The following RBFOX1 variants were observed in gnomAD, a reference collection of about 807,000 sequenced individuals.
RBFOX1 encodes RNA binding protein fox-1 homolog 1.
In RBFOX1, 8 loss-of-function variants were observed where a neutral mutation model predicts 57.7. The ratio of observed to expected loss-of-function variants is 0.14; its 90% CI spans 0.08 to 0.25. The LOEUF is 0.25. Ranked by LOEUF, RBFOX1 falls within the 10% of genes least tolerant of loss-of-function variation. RBFOX1 has a pLI of 1.00. For missense variants in RBFOX1, 611 were observed against 548.5 expected, an observed-to-expected ratio of 1.11 and a Z score of -1.14; for synonymous variants, 326 against 222.4, an observed-to-expected ratio of 1.47 and a Z score of -4.15.
At chr16:7,503,660 G>A (rs1463235963) in intron 4 of RBFOX1, among the ~76,000 whole-genome samples, 7 of 152,212 alleles carry the variant, frequency 4.6e-5, no homozygotes, top group African/African-American at 1.7e-4. Context: ...GATGGATTAT[G>A]AAAGTCTGTT....
chr16:6,210,760 T>A (rs891828945), intron 1 of RBFOX1, among the ~76,000 whole-genome samples: 18 of 151,784 alleles, frequency 1.2e-4, no homozygotes, highest in African/African-American at 3.9e-4. Flanking sequence ...AAGAAAAAAA[T>A]TAAAAAAGGA....
chr16:6,757,148 A>T (rs1442049127), intron 3 of RBFOX1, among the ~76,000 whole-genome samples: 5 of 152,188 alleles, frequency 3.3e-5, no homozygotes, highest in Admixed American at 2.0e-4. Context: ...ATAAAAAATA[A>T]ATGCTAGCAA....
At chr16:7,172,281 C>T (rs1281482868) in intron 4 of RBFOX1, among the ~76,000 whole-genome samples, 2 of 152,100 alleles carry the variant, frequency 1.3e-5, no homozygotes, top group African/African-American at 4.8e-5. Context: ...ATCAAAAAAA[C>T]CACTTCTTTC....
chr16:5,357,727 G>C (rs553551476), intron 1 of RBFOX1, among the ~76,000 whole-genome samples: 1 of 152,308 alleles, frequency 6.6e-6, no homozygotes, highest in African/African-American at 2.4e-5. Flanking sequence ...AATCCGTCAG[G>C]AGAGGACACA....
chr16:6,744,144 G>C (rs1385382100), intron 3 of RBFOX1, among the ~76,000 whole-genome samples: 1 of 152,038 alleles, frequency 6.6e-6, no homozygotes, highest in Admixed American at 6.6e-5. Flanking sequence ...GATAAAGAAG[G>C]TAATTTCACA....
chr16:5,568,154 A>G lies in RBFOX1; in HGVS notation c.259-30748A>G, dbSNP rs188654701. 5.9e-5 allele frequency among the ~76,000 whole-genome samples: 9 copies of G among 152,248 alleles called. 1 individual carries two copies. The highest frequency in any genetic ancestry group is 2.2e-4 in the African/African-American group (9 of 41,556). On this transcript the variant is annotated intron_variant, in intron 2 of 2. Transcript: ENST00000585867. ...CTGAAGTACTCAGCATTGCATTCAA[A>G]TGTCTCCAGCCTTCCCCTGTGCCCT...
At chr16:6,524,629 C>G (rs1343255221) in intron 2 of RBFOX1, among the ~76,000 whole-genome samples, 2 of 152,150 alleles carry the variant, frequency 1.3e-5, no homozygotes, top group Admixed American at 6.5e-5. Context: ...ACTGCCATAA[C>G]AAAGTAGCAC....
chr16:5,274,190 AC>A (rs2063085732), intron 1 of RBFOX1, among the ~76,000 whole-genome samples: 2 of 152,008 alleles, frequency 1.3e-5, no homozygotes, highest in African/African-American at 2.4e-5. Flanking sequence ...TCCCTTTTTA[AC>A]CCACAGAAGA....
intron 4 of RBFOX1, among the ~76,000 whole-genome samples, chr16:7,095,153 C>G (rs1211296249): frequency 1.3e-5 from 2 of 151,816 alleles, no homozygotes; most frequent in Admixed American, 1.3e-4. Context: ...ACTCTGTTGC[C>G]CAGGCTGGAG....
chr16:6,732,841 A>G (rs78224449), intron 3 of RBFOX1, among the ~76,000 whole-genome samples: 1 of 152,306 alleles, frequency 6.6e-6, no homozygotes, highest in African/African-American at 2.4e-5. Flanking sequence ...TTTACCTTGG[A>G]CAGCCATTAT....
At chr16:7,197,704 C>T (rs546066635) in intron 4 of RBFOX1, among the ~76,000 whole-genome samples, 8 of 152,122 alleles carry the variant, frequency 5.3e-5, no homozygotes, top group Admixed American at 1.3e-4. Flanking sequence ...TGTGGATAAA[C>T]TAAATGTGGT....
chr16:6,337,674 G>A (rs145439066), intron 2 of RBFOX1, among the ~76,000 whole-genome samples: 3 of 152,272 alleles, frequency 2.0e-5, no homozygotes, highest in Admixed American at 1.3e-4. Flanking sequence ...TAATTGATAC[G>A]TGTCTTAGGA....
intron 2 of RBFOX1, among the ~76,000 whole-genome samples, chr16:5,506,726 T>C (rs1322995078): frequency 6.6e-6 from 1 of 152,140 alleles, no homozygotes; most frequent in Non-Finnish European, 1.5e-5. Flanking sequence ...CAGGGACATC[T>C]TGATCTCCAA....
intron 2 of RBFOX1, among the ~76,000 whole-genome samples, chr16:6,350,753 T>C (rs2086220982): frequency 6.6e-6 from 1 of 152,184 alleles, no homozygotes; most frequent in African/African-American, 2.4e-5. Context: ...AGGAGGTAGG[T>C]GGCATTAATT....
chr16:6,977,116 ATAT>A (rs1219538650), intron 3 of RBFOX1, among the ~76,000 whole-genome samples: 1 of 142,940 alleles, frequency 7.0e-6, no homozygotes, highest in African/African-American at 2.6e-5. Flanking sequence ...TATATGATCT[ATAT>A]TATCATATAT....
chr16:6,894,292 G>C (rs1253799850), intron 3 of RBFOX1, among the ~76,000 whole-genome samples: 1 of 152,142 alleles, frequency 6.6e-6, no homozygotes, highest in African/African-American at 2.4e-5. Flanking sequence ...TATTTCCAAG[G>C]GGTGGTCTGT....
intron 3 of RBFOX1, among the ~76,000 whole-genome samples, chr16:7,020,631 A>T (rs1336248306): frequency 6.6e-6 from 1 of 152,226 alleles, no homozygotes; most frequent in Non-Finnish European, 1.5e-5. Flanking sequence ...GTCCACATAA[A>T]GAGTGATGAA....
At chr16:5,337,186 T>A (rs2064919557) in intron 1 of RBFOX1, among the ~76,000 whole-genome samples, 1 of 152,210 alleles carries the variant, frequency 6.6e-6, no homozygotes, top group Non-Finnish European at 1.5e-5. Flanking sequence ...TCCCCCTCAC[T>A]GTGGTTTTGG....
intron 1 of RBFOX1, among the ~76,000 whole-genome samples, chr16:6,123,673 G>C (rs2096568073): frequency 6.6e-6 from 1 of 152,196 alleles, no homozygotes; most frequent in Admixed American, 6.5e-5. Context: ...GGGAGGCTGA[G>C]GTGGGTGGAT....
Sources: gnomAD v4.1 joint callset for allele counts (sites outside exome capture counted in the v4.1 genomes callset) on GRCh38, gnomAD v4.1.1 for gene constraint, MANE v1.5 for transcripts, NCBI Gene and HGNC (gene_info 2026-07-23, HGNC 2026-07-21) for gene names.